Variants in ABL2 observed in about 807,000 individuals in gnomAD.
ABL2 encodes ABL proto-oncogene 2, non-receptor tyrosine kinase, also known as tyrosine-protein kinase ABL2.
ABL2 carries 49 observed loss-of-function variants against 107.7 expected under a neutral mutation model. The ratio of observed to expected loss-of-function variants is 0.45; its 90% CI spans 0.36 to 0.58. The LOEUF is 0.58. ABL2 is among the 20% of genes least tolerant of loss of function. The pLI, the probability that ABL2 is intolerant of heterozygous loss-of-function variation, is 0.00. For missense variants in ABL2, 1,245 were observed against 1,457.0 expected (o/e 0.85, Z 2.37); for synonymous variants, 549 against 548.6 (o/e 1.00, Z -0.01).
At chr1:179,132,096 C>T (rs892079833) in intron 2 of ABL2, among the ~76,000 whole-genome samples, 6 of 151,838 alleles carry the variant, frequency 4.0e-5, no homozygotes, top group South Asian at 4.1e-4. Flanking sequence ...ATCTTTTTTT[C>T]GTTTTAAAAA....
intron 1 of ABL2, among the ~76,000 whole-genome samples, chr1:179,209,384 T>C (rs1662148541): frequency 6.6e-6 from 1 of 152,220 alleles, no homozygotes; most frequent in Non-Finnish European, 1.5e-5. Flanking sequence ...ACCTAACCCA[T>C]AAAATTACAT....
intron 1 of ABL2, among the ~76,000 whole-genome samples, chr1:179,208,186 A>G (rs576516245): frequency 6.6e-6 from 1 of 152,160 alleles, no homozygotes; most frequent in Non-Finnish European, 1.5e-5. Flanking sequence ...CAGGGGGTAC[A>G]TGTGCAGATT....
At chr1:179,190,551 G>T (rs555452487) in intron 1 of ABL2, among the ~76,000 whole-genome samples, 2 of 151,964 alleles carry the variant, frequency 1.3e-5, no homozygotes, top group Admixed American at 6.5e-5. Context: ...TGTTGATGAC[G>T]TTGATGACGT....
intron 1 of ABL2, among the ~76,000 whole-genome samples, chr1:179,194,275 A>C (rs1661183015): frequency 6.6e-6 from 1 of 152,218 alleles, no homozygotes; most frequent in African/African-American, 2.4e-5. Flanking sequence ...CATGAGCACG[A>C]ATTTAGTAAG....
intron 1 of ABL2, among the ~76,000 whole-genome samples, chr1:179,178,261 G>C (rs190131696): frequency 1.8e-4 from 27 of 152,052 alleles, no homozygotes; most frequent in Admixed American, 3.3e-4. Context: ...AGCTGGGTGT[G>C]GTGGCATGCA....
chr1:179,129,703 C>A (rs931130498), intron 3 of ABL2, among the ~76,000 whole-genome samples: 19 of 149,860 alleles, frequency 1.3e-4, no homozygotes, highest in African/African-American at 4.4e-4. Flanking sequence ...AAAAAAAATT[C>A]TTTGATGTCT....
At chr1:179,117,777 T>C (rs570678245) in intron 7 of ABL2, among the ~76,000 whole-genome samples, 2 of 152,280 alleles carry the variant, frequency 1.3e-5, no homozygotes, top group South Asian at 4.1e-4. Context: ...CAATAGATGC[T>C]TTTCTACAAG....
intron 1 of ABL2, among the ~76,000 whole-genome samples, chr1:179,186,376 TTTG>T (rs536812431): frequency 7.9e-5 from 12 of 152,086 alleles, no homozygotes; most frequent in Admixed American, 1.3e-4. Context: ...CAACTTCTTT[TTTG>T]TTGTTGTTGT....
rs140769019 is a variant in ABL2, at chr1:179,142,190, C to T, written c.158-8816G>A. ...ATTATTCACTGCTATAGAGGTAGAT[C>T]AGAGATTTAAGATGGGATAAGAGAA... is the stretch of plus-strand genomic sequence containing the variant. On this transcript the variant is annotated intron_variant, in intron 1 of 11. Coordinates refer to ENST00000502732, the MANE Select transcript of ABL2 (RefSeq NM_007314.4). Among the ~76,000 whole-genome samples, 338 of 152,224 alleles carry T rather than the reference C, an allele frequency of 2.2e-3. 3 individuals carry two copies. Among genetic ancestry groups the T allele is most frequent in the African/African-American group, 7.5e-3 (312 of 41,520 alleles).
chr1:179,105,524 A>G lies in ABL2; in HGVS notation c.*2194T>C. The G allele has an allele frequency of 4.4e-6, 1 of 229,656 alleles. No homozygotes were observed. 14.2% of individuals were successfully genotyped at this position (229,656 alleles called of 1,614,324 possible). On this transcript the variant is annotated 3_prime_UTR_variant, in exon 12 of 12. Transcript: ENST00000502732. The stretch of plus-strand genomic sequence containing the variant: ...GAATGGCAGGAAAGAAGGTGGGAGA[A>G]GGACCGCTGGTTTTTACATCTGAGT...
At chr1:179,122,434 T>G (rs913193571) in intron 4 of ABL2, among the ~76,000 whole-genome samples, 1 of 151,948 alleles carries the variant, frequency 6.6e-6, no homozygotes, top group Non-Finnish European at 1.5e-5. Flanking sequence ...TTATCTTAAT[T>G]GAGGTAAATA....
intron 1 of ABL2, among the ~76,000 whole-genome samples, chr1:179,157,414 T>C (rs146400536): frequency 0.02 from 3,099 of 151,954 alleles, 117 homozygotes; most frequent in African/African-American, 0.072. Flanking sequence ...GGAAAATCAC[T>C]TGAACCCGGG....
In ABL2 at chr1:179,126,279, C is replaced by T. The variant is rs545760287; in HGVS notation, c.687+98G>A. The T allele has an allele frequency of 4.5e-6, 6 of 1,341,372 alleles. No homozygotes were observed. Among genetic ancestry groups the T allele is most frequent in the South Asian group, 2.9e-5 (2 of 68,836 alleles). 83.1% of individuals were successfully genotyped at this position (1,341,372 alleles called of 1,614,324 possible). On this transcript the variant is annotated intron_variant, in intron 4 of 11. Transcript: ENST00000502732. This position sits in a 1 kb window ranked among gnomAD's most constrained non-coding sequence, Gnocchi z 4.4. ...CAAAGCTAGTGAATATTTTATTTCA[C>T]GTCAGACATAAAATCTATTATTTCA...
intron 1 of ABL2, among the ~76,000 whole-genome samples, chr1:179,156,763 G>A (rs1044681004): frequency 2.6e-5 from 4 of 151,746 alleles, no homozygotes; most frequent in African/African-American, 7.3e-5. Flanking sequence ...CTGTAGTCCC[G>A]GTCACTTGGA....
At chr1:179,152,228 TTTGTCCCTAAC>T (rs1437261357) in intron 1 of ABL2, among the ~76,000 whole-genome samples, 1 of 152,158 alleles carries the variant, frequency 6.6e-6, no homozygotes, top group Non-Finnish European at 1.5e-5. Flanking sequence ...AGAATTCACC[TTTGTCCCTAAC>T]TTGGAGTCTT....
chr1:179,125,307 C>G (rs1050239528), intron 4 of ABL2, among the ~76,000 whole-genome samples: 1 of 152,208 alleles, frequency 6.6e-6, no homozygotes, highest in African/African-American at 2.4e-5. Flanking sequence ...GTGTTCGCTT[C>G]TGTTGTTGAA....
Position 179,103,997 on chromosome 1 carries a change from C to T in ABL2, c.*3721G>A. 4.3e-6 allele frequency: 1 copy of T among 233,462 alleles called. No individual in the cohort carries two copies. Among genetic ancestry groups the T allele is most frequent in the African/African-American group, 2.2e-5 (1 of 45,438 alleles). The allele number at this position is 233,462 out of a possible 1,614,324, so 14.5% of individuals were successfully genotyped here. On this transcript the variant is annotated 3_prime_UTR_variant, in exon 12 of 12. Transcript: ENST00000502732. ...GAGAATACACTGGCCGAGACCCCAG[C>T]CCACTGGGAATTCTGATCTGGAGTG...
chr1:179,126,518 T>A lies in ABL2; in HGVS notation c.546A>T (p.Ala182=), dbSNP rs767133178. 6.2e-7 allele frequency: 1 copy of A among 1,614,202 alleles called. No individual in the cohort carries two copies. The highest frequency in any genetic ancestry group is 1.3e-5 in the African/African-American group (1 of 75,038). The change falls in exon 4 of 12, where the codon GCA becomes GCT. Residue 182 remains alanine (A), a synonymous_variant. Transcript: ENST00000502732. This position sits in a 1 kb window ranked among gnomAD's most constrained non-coding sequence, Gnocchi z 4.4. The part of the protein sequence containing the change: ...SWYHGPVSRS[A]AEYLLSSLIN... ...TTAGACTGCTGAGCAGATACTCAGC[T>A]GCACTGCGTGACACAGGTCCATGGT...
At chr1:179,117,566 T>C (rs1483073360) in intron 7 of ABL2, 50 bp from the exon 8 acceptor site, 2 of 1,595,538 alleles carry the variant, frequency 1.3e-6, no homozygotes, top group Non-Finnish European at 1.7e-6. Flanking sequence ...GTGAGGAAAA[T>C]GGTCATGAAC....
Sources: gnomAD v4.1 joint callset for allele counts (sites outside exome capture counted in the v4.1 genomes callset) on GRCh38, gnomAD v4.1.1 for gene constraint, Gnocchi (gnomAD v3.1) non-coding constraint, MANE v1.5 for transcripts, NCBI Gene and HGNC (gene_info 2026-07-23, HGNC 2026-07-21) for gene names.